Variants in URB1 observed in about 807,000 individuals in gnomAD.
URB1 encodes nucleolar pre-ribosomal-associated protein 1.
In URB1, 197 loss-of-function variants were observed where a neutral mutation model predicts 242.3. The ratio of observed to expected loss-of-function variants is 0.81; its 90% CI spans 0.72 to 0.91. The LOEUF (loss-of-function observed/expected upper bound fraction) is 0.91, where lower values mean the gene tolerates loss of function less well. Among genes scored for constraint, URB1 ranks in the 40% least tolerant of loss-of-function variants. The pLI is 0.00. For synonymous variants in URB1, 1,153 were observed against 1,201.8 expected, an observed-to-expected ratio of 0.96 and a Z score of 0.84; for missense variants, 2,721 against 2,860.5, an observed-to-expected ratio of 0.95 and a Z score of 1.11.
At chr21:32,354,140 G>A (rs1195180530) in intron 17 of URB1, 37 bp from the exon 18 acceptor site, 18 of 1,548,764 alleles carry the variant, frequency 1.2e-5, no homozygotes, top group Middle Eastern at 1.7e-4. Context: ...TGATGTGAGA[G>A]CCACTGAAGG....
chr21:32,348,655 C>T (rs1331118042), intron 21 of URB1, among the ~76,000 whole-genome samples: 1 of 152,188 alleles, frequency 6.6e-6, no homozygotes, highest in Admixed American at 6.5e-5. Context: ...TCACAGTCTC[C>T]ACTCAAGCTT....
At chr21:32,350,617 G>T in intron 20 of URB1, 87 bp downstream of exon 20, 1 of 1,433,922 alleles carries the variant, frequency 7.0e-7, no homozygotes. Context: ...GAGCAAGAGT[G>T]TGCTGGGCTG....
intron 11 of URB1, among the ~76,000 whole-genome samples, 191 bp downstream of exon 11, chr21:32,362,965 C>G (rs1361650377): frequency 6.6e-6 from 1 of 152,242 alleles, no homozygotes; most frequent in Non-Finnish European, 1.5e-5. Context: ...TCTGTGACAT[C>G]ACTGCCTACA....
Position 32,368,554 on chromosome 21 carries a change from G to A in URB1, c.1046C>T (p.Thr349Ile). The change falls in exon 9 of 39, where the codon ACT becomes ATT. Residue 349 changes from threonine to isoleucine, a missense_variant. By Grantham distance (89) the Thr-to-Ile change is moderately conservative. Transcript: ENST00000382751. ...TLLHFLLGLK[T>I]AADDDLVADL... Reference sequence around the variant, plus strand: ...AGCCACCAGATCATCATCAGCTGCAGTTTTCAAACCCAGCAAGAAGTGCAA... The same window carrying A: ...AGCCACCAGATCATCATCAGCTGCAATTTTCAAACCCAGCAAGAAGTGCAA... The A allele has an allele frequency of 1.3e-6, 2 of 1,551,706 alleles. No homozygotes were observed. The highest frequency in any genetic ancestry group is 8.7e-7 in the Non-Finnish European group (1 of 1,146,998).
chr21:32,355,385 G>T (rs2123590904), intron 16 of URB1, 64 bp downstream of exon 16: 1 of 1,443,736 alleles, frequency 6.9e-7, no homozygotes, highest in Non-Finnish European at 9.5e-7. Flanking sequence ...ATGCCTCGAT[G>T]ACGCTAAGAA....
At position 32,361,001 on chromosome 21, in the gene URB1, A is replaced by T. The variant is rs1386642820; in HGVS notation, c.1756+6T>A. On this transcript the variant is annotated splice_donor_region_variant and intron_variant, in intron 13 of 38. Transcript: ENST00000382751. The stretch of plus-strand genomic sequence containing the variant: ...GGCGGCTTGTCTGCAAGACCTTGAA[A>T]CCCACCTTTCAGGAGCTTGCTGAAG... 6.5e-7 allele frequency: 1 copy of T among 1,542,584 alleles called. No homozygotes were observed. Among genetic ancestry groups the T allele is most frequent in the Non-Finnish European group, 8.7e-7 (1 of 1,143,450 alleles).
intron 10 of URB1, among the ~76,000 whole-genome samples, chr21:32,364,910 AG>A (rs2033328714): frequency 6.6e-6 from 1 of 152,156 alleles, no homozygotes; most frequent in Admixed American, 6.5e-5. Flanking sequence ...AGGGAAGGCA[AG>A]GCTGGGCTCA....
chr21:32,363,134 C>T (rs1310528828), intron 11 of URB1, 22 bp downstream of exon 11: 4 of 1,546,100 alleles, frequency 2.6e-6, no homozygotes, highest in African/African-American at 1.4e-5. Context: ...GAAGGAAAGC[C>T]CAAACCCAGA....
Position 32,393,001 on chromosome 21 carries a change from C to T in URB1, c.-91G>A. The T allele has an allele frequency of 7.2e-7, 1 of 1,388,864 alleles. No homozygotes were observed. The highest frequency in any genetic ancestry group is 9.4e-7 in the Non-Finnish European group (1 of 1,065,450). The allele number at this position is 1,388,864 out of a possible 1,614,324, so 86.0% of individuals were successfully genotyped here. On this transcript the variant is annotated 5_prime_UTR_variant, in exon 1 of 39. It introduces an in-frame stop codon into an upstream open reading frame of the 5' UTR. Transcript: ENST00000382751. ...AGACAGCAGACACGCGCTTCAGGCC[C>T]ACATGGCGCAGGAAGAGGCGGGGCT...
chr21:32,337,005 G>T, intron 28 of URB1, 89 bp downstream of exon 28: 11 of 1,319,172 alleles, frequency 8.3e-6, no homozygotes, highest in Non-Finnish European at 1.2e-5. Flanking sequence ...AACCAAAATG[G>T]AATGAGAGAA....
At chr21:32,382,760 C>T (rs995243094) in intron 4 of URB1, among the ~76,000 whole-genome samples, 2 of 152,078 alleles carry the variant, frequency 1.3e-5, no homozygotes, top group African/African-American at 2.4e-5. Flanking sequence ...CCAGCACACG[C>T]GATGGGAGGA....
intron 24 of URB1, among the ~76,000 whole-genome samples, chr21:32,341,905 A>C (rs1357032079): frequency 1.2e-4 from 18 of 152,222 alleles, no homozygotes; most frequent in Admixed American, 1.2e-3. Flanking sequence ...TCTTAAAACA[A>C]AAACTAAAAT....
chr21:32,314,582 G>A lies in URB1; in HGVS notation c.*336C>T, dbSNP rs763889575. The A allele has an allele frequency of 4.3e-6, 7 of 1,614,208 alleles. No individual in the cohort carries two copies. The Admixed American group carries it at 6.7e-5, about 15-fold the overall frequency. On this transcript the variant is annotated 3_prime_UTR_variant, in exon 39 of 39. Coordinates refer to ENST00000382751, the MANE Select transcript of URB1 (RefSeq NM_014825.3). ...CACAGATGAATCTCTTCTGCATTCA[G>A]AAGTGCTGCCTCAAACTCGAGCTAT... is the stretch of plus-strand genomic sequence containing the variant.
chr21:32,321,101 T>C (rs2032760376), intron 34 of URB1, among the ~76,000 whole-genome samples: 2 of 152,278 alleles, frequency 1.3e-5, no homozygotes, highest in East Asian at 1.9e-4. Flanking sequence ...AATTCTCACA[T>C]GCCATAGAAA....
At chr21:32,331,849 G>T (rs1209130387) in intron 30 of URB1, among the ~76,000 whole-genome samples, 3 of 152,226 alleles carry the variant, frequency 2.0e-5, no homozygotes, top group African/African-American at 7.2e-5. Flanking sequence ...ATGAGAGAAG[G>T]CCAAGTAGGG....
chr21:32,317,053 T>A lies in URB1; in HGVS notation c.6047A>T (p.Asp2016Val). The change falls in exon 38 of 39, where the codon GAT (aspartate) becomes GTT (valine). Residue 2016 changes from aspartate to valine, a missense_variant. Physicochemically the swap from Asp to Val is radical, Grantham distance 152. Coordinates refer to ENST00000382751, the MANE Select transcript of URB1 (RefSeq NM_014825.3). ...QARELMKMLK[D>V]KNKPVMPARA... The stretch of plus-strand genomic sequence containing the variant: ...GGCTGGCATGACAGGCTTGTTCTTA[T>A]CCTTGAGCATTTCTGTTAAATGCAC... The A allele has an allele frequency of 6.5e-7, 1 of 1,534,824 alleles. No individual in the cohort carries two copies. The highest frequency in any genetic ancestry group is 8.8e-7 in the Non-Finnish European group (1 of 1,140,824).
intron 8 of URB1, among the ~76,000 whole-genome samples, chr21:32,369,621 G>T (rs1287136054): frequency 6.6e-6 from 1 of 152,004 alleles, no homozygotes; most frequent in Non-Finnish European, 1.5e-5. Flanking sequence ...CACCACATCT[G>T]GAAATAAAGT....
At chr21:32,328,638 T>C (rs1378393376) in intron 30 of URB1, among the ~76,000 whole-genome samples, 1 of 152,174 alleles carries the variant, frequency 6.6e-6, no homozygotes, top group Non-Finnish European at 1.5e-5. Flanking sequence ...AAACATTTAG[T>C]TTATACTCAC....
intron 32 of URB1, among the ~76,000 whole-genome samples, chr21:32,324,054 C>T (rs973473572): frequency 5.3e-5 from 8 of 152,184 alleles, no homozygotes; most frequent in South Asian, 2.1e-4. Context: ...GAGGAGGAAA[C>T]GGGCATGGGG....
Sources: allele counts gnomAD v4.1 joint callset (sites outside exome capture counted in the v4.1 genomes callset), GRCh38; gene constraint gnomAD v4.1.1; transcripts MANE v1.5; gene names NCBI Gene and HGNC (gene_info 2026-07-23, HGNC 2026-07-21).